MYO1D: variants seen among roughly 807,000 people sequenced by gnomAD.
The protein encoded by MYO1D is unconventional myosin-Id.
Under a neutral mutation model 122.0 loss-of-function variants are expected in MYO1D, and 83 were observed. The observed-to-expected ratio is 0.68, with a 90% CI of 0.57 to 0.82. The LOEUF (loss-of-function observed/expected upper bound fraction) is 0.82, where lower values mean the gene tolerates loss of function less well. Among genes scored for constraint, MYO1D ranks in the 40% least tolerant of loss-of-function variants. MYO1D has a pLI of 0.00. For synonymous variants in MYO1D, 464 were observed against 446.9 expected, an observed-to-expected ratio of 1.04 and a Z score of -0.48; for missense variants, 1,157 against 1,269.5, an observed-to-expected ratio of 0.91 and a Z score of 1.35.
At chr17:32,683,387 CT>C (rs1029809605) in intron 16 of MYO1D, among the ~76,000 whole-genome samples, 6 of 152,192 alleles carry the variant, frequency 3.9e-5, no homozygotes, top group Non-Finnish European at 7.3e-5. Context: ...GTTTTATCTA[CT>C]TTTGGTCTCT....
intron 13 of MYO1D, among the ~76,000 whole-genome samples, chr17:32,744,745 T>C (rs2089813185): frequency 6.6e-6 from 1 of 152,244 alleles, no homozygotes; most frequent in South Asian, 2.1e-4. Context: ...TTTGTTGGTT[T>C]GTGAGAAGAT....
intron 16 of MYO1D, among the ~76,000 whole-genome samples, chr17:32,708,327 G>C (rs2089334190): frequency 6.6e-6 from 1 of 152,154 alleles, no homozygotes; most frequent in East Asian, 1.9e-4. Flanking sequence ...TGTTAATGAT[G>C]TTACTTCTGG....
At chr17:32,605,697 A>G (rs2150914016) in intron 20 of MYO1D, among the ~76,000 whole-genome samples, 1 of 152,356 alleles carries the variant, frequency 6.6e-6, no homozygotes, top group South Asian at 2.1e-4. Flanking sequence ...AAGAGGGGCC[A>G]TCTCTATAGA....
intron 21 of MYO1D, among the ~76,000 whole-genome samples, chr17:32,585,521 G>T (rs938317884): frequency 6.6e-5 from 10 of 152,132 alleles, no homozygotes; most frequent in African/African-American, 2.4e-4. Flanking sequence ...CCTGAGGTCA[G>T]GAGTTCGAGA....
At chr17:32,713,376 T>C (rs1338301812) in intron 15 of MYO1D, among the ~76,000 whole-genome samples, 1 of 152,238 alleles carries the variant, frequency 6.6e-6, no homozygotes, top group Non-Finnish European at 1.5e-5. Flanking sequence ...CTGGTCTGTT[T>C]CATTGCTGTG....
In MYO1D at chr17:32,535,469, C is replaced by T. The variant is rs560520329; in HGVS notation, c.2865-40554G>A. Among the ~76,000 whole-genome samples, 458 of 152,274 alleles carry T rather than the reference C, an allele frequency of 3.0e-3. 1 individual carries two copies. Among genetic ancestry groups the T allele is most frequent in the Non-Finnish European group, 4.8e-3 (327 of 68,022 alleles). ...AGAAACAATACATTGTACTTGTGGCCGGGCGCGGTGGCTCACGCCTATAAT... is the reference window on the plus strand; with the variant it reads ...AGAAACAATACATTGTACTTGTGGCTGGGCGCGGTGGCTCACGCCTATAAT... On this transcript the variant is annotated intron_variant, in intron 21 of 21. Coordinates refer to ENST00000318217, the MANE Select transcript of MYO1D (RefSeq NM_015194.3).
At chr17:32,533,179 T>TC (rs1208846848) in intron 21 of MYO1D, among the ~76,000 whole-genome samples, 2 of 152,174 alleles carry the variant, frequency 1.3e-5, no homozygotes, top group African/African-American at 4.8e-5. Context: ...CTCAGGTAAT[T>TC]CCATATGCTG....
chr17:32,748,823 C>A, intron 12 of MYO1D, 113 bp downstream of exon 12: 1 of 983,044 alleles, frequency 1.0e-6, no homozygotes. Flanking sequence ...ATTGACATAT[C>A]AAATGACCAA....
chr17:32,654,929 C>T (rs150944156), intron 17 of MYO1D, among the ~76,000 whole-genome samples: 286 of 152,274 alleles, frequency 1.9e-3, no homozygotes, highest in African/African-American at 6.5e-3. Context: ...CTGCCTGCCT[C>T]GGCCTCCCAA....
chr17:32,872,987 C>T (rs566837219), intron 1 of MYO1D, among the ~76,000 whole-genome samples: 12 of 152,280 alleles, frequency 7.9e-5, no homozygotes, highest in South Asian at 4.1e-4. Flanking sequence ...TGAGCCACCG[C>T]GCCCGGCCTA....
At chr17:32,670,286 A>C (rs573812014) in intron 16 of MYO1D, among the ~76,000 whole-genome samples, 1 of 152,354 alleles carries the variant, frequency 6.6e-6, no homozygotes, top group East Asian at 1.9e-4. Context: ...CTATAGTTAC[A>C]GAAGAGAATG....
intron 12 of MYO1D, among the ~76,000 whole-genome samples, chr17:32,747,593 T>A (rs978967536): frequency 6.6e-6 from 1 of 151,960 alleles, no homozygotes; most frequent in Non-Finnish European, 1.5e-5. Context: ...TCCTAGCACT[T>A]TGGGAGGCCA....
intron 21 of MYO1D, 50 bp from the exon 22 acceptor site, chr17:32,494,965 C>A: frequency 6.5e-7 from 1 of 1,531,214 alleles, no homozygotes; most frequent in Non-Finnish European, 8.8e-7. Context: ...AGCATGAGAA[C>A]AGGGCACCTG....
chr17:32,719,524 G>A (rs1223996938), intron 15 of MYO1D, among the ~76,000 whole-genome samples: 2 of 151,866 alleles, frequency 1.3e-5, no homozygotes, highest in Non-Finnish European at 2.9e-5. Context: ...CTAATTTTTT[G>A]TATTTTTAGT....
intron 20 of MYO1D, among the ~76,000 whole-genome samples, chr17:32,617,892 ATTATT>A (rs924150217): frequency 6.6e-6 from 1 of 152,214 alleles, no homozygotes; most frequent in Non-Finnish European, 1.5e-5. Context: ...ATTTTTTGTT[ATTATT>A]TTAACACATC....
At chr17:32,611,411 G>A (rs1453482991) in intron 20 of MYO1D, among the ~76,000 whole-genome samples, 2 of 152,238 alleles carry the variant, frequency 1.3e-5, no homozygotes, top group African/African-American at 4.8e-5. Flanking sequence ...GCCAAACTTA[G>A]AGGATCTTCT....
intron 21 of MYO1D, among the ~76,000 whole-genome samples, chr17:32,576,923 T>C (rs2087283951): frequency 6.6e-6 from 1 of 152,192 alleles, no homozygotes; most frequent in African/African-American, 2.4e-5. Context: ...CAAAAGATCT[T>C]CCTGCTTTGG....
At chr17:32,610,806 C>T (rs1388292648) in intron 20 of MYO1D, among the ~76,000 whole-genome samples, 5 of 152,124 alleles carry the variant, frequency 3.3e-5, no homozygotes, top group Admixed American at 3.3e-4. Context: ...TTTTGTGAAA[C>T]ACCTCAGCTG....
intron 20 of MYO1D, among the ~76,000 whole-genome samples, chr17:32,631,550 G>A (rs1041603451): frequency 2.0e-5 from 3 of 152,122 alleles, no homozygotes; most frequent in African/African-American, 4.8e-5. Context: ...GGAAGGCTGA[G>A]GAGACAGGAA....
Sources: allele counts gnomAD v4.1 joint callset (sites outside exome capture counted in the v4.1 genomes callset), GRCh38; gene constraint gnomAD v4.1.1; transcripts MANE v1.5; gene names NCBI Gene and HGNC (gene_info 2026-07-23, HGNC 2026-07-21).